The following PCSK5 variants were observed in gnomAD, a reference collection of about 807,000 sequenced individuals.
The protein encoded by PCSK5 is proprotein convertase subtilisin/kexin type 5.
In PCSK5, 129 loss-of-function variants were observed where a neutral mutation model predicts 233.2. The ratio of observed to expected loss-of-function variants is 0.55; its 90% CI spans 0.48 to 0.64. PCSK5 has a LOEUF of 0.64. Among genes scored for constraint, PCSK5 ranks in the 30% least tolerant of loss-of-function variants. The pLI, the probability that PCSK5 is intolerant of heterozygous loss-of-function variation, is 0.00. For missense variants in PCSK5, 2,076 were observed against 2,430.1 expected (o/e 0.85, Z 3.06); for synonymous variants, 825 against 879.2 (o/e 0.94, Z 1.09).
At chr9:76,136,137 T>A (rs1822964583) in intron 10 of PCSK5, among the ~76,000 whole-genome samples, 1 of 152,040 alleles carries the variant, frequency 6.6e-6, no homozygotes, top group Admixed American at 6.6e-5. Flanking sequence ...TTATTCTGAA[T>A]GGGCTGGGCT....
chr9:76,190,685 G>A (rs1824331816), intron 20 of PCSK5, among the ~76,000 whole-genome samples: 1 of 152,114 alleles, frequency 6.6e-6, no homozygotes, highest in East Asian at 1.9e-4. Context: ...CTTTCATTAA[G>A]CCTGTGAGGC....
chr9:76,239,970 A>G (rs950739718), intron 23 of PCSK5, among the ~76,000 whole-genome samples: 1 of 152,120 alleles, frequency 6.6e-6, no homozygotes, highest in African/African-American at 2.4e-5. Flanking sequence ...GCCTAAAACC[A>G]CTTGAAAATA....
At chr9:76,332,664 A>C in intron 34 of PCSK5, 54 bp downstream of exon 34, 15 of 1,283,236 alleles carry the variant, frequency 1.2e-5, no homozygotes, top group Non-Finnish European at 1.5e-5. Flanking sequence ...AGCAGATATC[A>C]ACCCATTTTA....
intron 35 of PCSK5, 145 bp from the exon 36 acceptor site, chr9:76,350,683 G>T: frequency 1.7e-6 from 1 of 589,378 alleles, no homozygotes; most frequent in Middle Eastern, 4.0e-4. Context: ...TTGTGTGGGA[G>T]ACTTTTTTCT....
At position 76,338,463 on chromosome 9, in the gene PCSK5, T is replaced by A. The variant is rs1251630883; in HGVS notation, c.4966+16T>A. The A allele has an allele frequency of 1.9e-6, 3 of 1,550,372 alleles. No homozygotes were observed. The highest frequency in any genetic ancestry group is 2.7e-6 in the Non-Finnish European group (3 of 1,123,700). ...CAATGCAAAGGTGAGAGTCTACCTG[T>A]CATTTTGCATGAGTGCGTAGAAAAA... is the stretch of plus-strand genomic sequence containing the variant. On this transcript the variant is annotated intron_variant, in intron 35 of 37. Coordinates refer to ENST00000674117, the MANE Select transcript of PCSK5 (RefSeq NM_001372043.1).
chr9:75,951,611 A>G (rs1587409832), intron 2 of PCSK5, among the ~76,000 whole-genome samples: 1 of 152,158 alleles, frequency 6.6e-6, no homozygotes, highest in South Asian at 2.1e-4. Context: ...TAACTCTTAC[A>G]TCCTTTAAAA....
chr9:76,189,362 G>A, intron 19 of PCSK5, 139 bp downstream of exon 19: 1 of 752,876 alleles, frequency 1.3e-6, no homozygotes, highest in South Asian at 1.8e-5. Context: ...CTGTTCTGAA[G>A]CTTTCACCCA....
chr9:75,983,835 A>G (rs1382509224), intron 2 of PCSK5, among the ~76,000 whole-genome samples: 1 of 152,200 alleles, frequency 6.6e-6, no homozygotes, highest in Admixed American at 6.5e-5. Context: ...GGATAGACAT[A>G]TGGATAATAG....
chr9:76,156,894 C>T, intron 10 of PCSK5, 151 bp from the exon 11 acceptor site: 3 of 648,654 alleles, frequency 4.6e-6, no homozygotes, highest in Non-Finnish European at 5.6e-6. Context: ...CTTGACATGA[C>T]TATGTATTTG....
chr9:76,010,565 G>T (rs1827687678), intron 3 of PCSK5, among the ~76,000 whole-genome samples: 1 of 152,140 alleles, frequency 6.6e-6, no homozygotes. Flanking sequence ...TGACTGAGCA[G>T]CTTTTTGGAT....
chr9:76,295,718 C>T (rs1828417303), intron 26 of PCSK5, among the ~76,000 whole-genome samples: 2 of 152,156 alleles, frequency 1.3e-5, no homozygotes, highest in Non-Finnish European at 2.9e-5. Flanking sequence ...GCATTGAAGT[C>T]ACCTGGCATA....
intron 5 of PCSK5, among the ~76,000 whole-genome samples, chr9:76,054,979 A>G (rs753179149): frequency 6.6e-6 from 1 of 152,214 alleles, no homozygotes; most frequent in Admixed American, 6.5e-5. Flanking sequence ...ACTCAATACT[A>G]TGAAATATAC....
chr9:76,238,621 G>A (rs1826326081), intron 22 of PCSK5, among the ~76,000 whole-genome samples: 1 of 152,192 alleles, frequency 6.6e-6, no homozygotes, highest in Non-Finnish European at 1.5e-5. Context: ...GATACCAAAA[G>A]GAGCCTTTGG....
intron 5 of PCSK5, among the ~76,000 whole-genome samples, chr9:76,032,549 G>A (rs1828693488): frequency 6.6e-6 from 1 of 152,144 alleles, no homozygotes; most frequent in African/African-American, 2.4e-5. Context: ...CGTCACTTTT[G>A]CAAGTTCCCA....
At chr9:76,136,408 C>G (rs966304414) in intron 10 of PCSK5, among the ~76,000 whole-genome samples, 2 of 151,894 alleles carry the variant, frequency 1.3e-5, no homozygotes, top group Non-Finnish European at 2.9e-5. Context: ...TCTGAAAGAA[C>G]AATAAAGAGC....
At chr9:76,007,808 G>C (rs1015107782) in intron 3 of PCSK5, among the ~76,000 whole-genome samples, 28 of 146,640 alleles carry the variant, frequency 1.9e-4, no homozygotes, top group African/African-American at 5.8e-4. Context: ...GTGTGTGTGT[G>C]TGTGTGTGTG....
At chr9:76,053,314 T>A (rs957679401) in intron 5 of PCSK5, among the ~76,000 whole-genome samples, 1 of 152,196 alleles carries the variant, frequency 6.6e-6, no homozygotes, top group African/African-American at 2.4e-5. Context: ...CAGCAAACTT[T>A]AGCCTGGACA....
intron 28 of PCSK5, among the ~76,000 whole-genome samples, chr9:76,304,471 G>T (rs2490591): frequency 0.8 from 121,731 of 152,098 alleles, 48,846 homozygotes; most frequent in East Asian, 0.91. Flanking sequence ...GCCTCAGAAA[G>T]GGAGTGGAAT....
At chr9:76,335,708 C>T (rs1468612680) in intron 34 of PCSK5, among the ~76,000 whole-genome samples, 1 of 152,168 alleles carries the variant, frequency 6.6e-6, no homozygotes, top group Non-Finnish European at 1.5e-5. Context: ...AGCTTTCTTT[C>T]CCACAGTTCC....
Sources: allele counts gnomAD v4.1 joint callset (sites outside exome capture counted in the v4.1 genomes callset), GRCh38; gene constraint gnomAD v4.1.1; transcripts MANE v1.5; gene names NCBI Gene and HGNC (gene_info 2026-07-23, HGNC 2026-07-21).